Variants in PRR14L observed in about 807,000 individuals in gnomAD.
PRR14L encodes proline rich 14 like.
Under a neutral mutation model 155.0 loss-of-function variants are expected in PRR14L, and 80 were observed. The observed-to-expected ratio is 0.52, with a 90% CI of 0.43 to 0.62. The LOEUF is 0.62. Ranked by LOEUF, PRR14L falls within the 20% of genes least tolerant of loss-of-function variation. The probability of loss-of-function intolerance (pLI) is 0.00; values close to 1 mark genes in which losing one functional copy is unlikely to be tolerated. For synonymous variants in PRR14L, 883 were observed against 916.0 expected (o/e 0.96, Z 0.65); for missense variants, 2,469 against 2,548.0 (o/e 0.97, Z 0.67).
At position 31,716,752 on chromosome 22, in the gene PRR14L, C is replaced by T. The variant is rs760120317; in HGVS notation, c.1087G>A (p.Gly363Ser). Reference sequence around the variant, plus strand: ...TTTAGCAAACCACCACCTTCAAAACCACAGTTTTCTAAGGATATTGTTCTG... The same window carrying T: ...TTTAGCAAACCACCACCTTCAAAACTACAGTTTTCTAAGGATATTGTTCTG... ...ESRTISLENC[G>S]FEGGGLLKRS... The change falls in exon 4 of 9, where the codon GGT becomes AGT. Residue 363 changes from glycine (G) to serine (S), a missense_variant. Transcript: ENST00000327423. The T allele has an allele frequency of 6.4e-7, 1 of 1,551,674 alleles. No individual in the cohort carries two copies. The highest frequency in any genetic ancestry group is 2.4e-5 in the East Asian group (1 of 40,936).
At chr22:31,733,298 GTTTTTTTTT>G (rs1162819822) in intron 2 of PRR14L, among the ~76,000 whole-genome samples, 7 of 64,032 alleles carry the variant, frequency 1.1e-4, no homozygotes, top group Non-Finnish European at 1.6e-4. Context: ...CCTGGCCACT[GTTTTTTTTT>G]TTTTTTTTTT....
intron 8 of PRR14L, among the ~76,000 whole-genome samples, chr22:31,686,849 A>T (rs1422378157): frequency 3.3e-5 from 5 of 152,180 alleles, no homozygotes; most frequent in African/African-American, 4.8e-5. Flanking sequence ...AAATCCTACA[A>T]TTCTCCTTCT....
intron 4 of PRR14L, among the ~76,000 whole-genome samples, chr22:31,710,689 C>T (rs1055591063): frequency 2.6e-5 from 4 of 151,970 alleles, no homozygotes; most frequent in Non-Finnish European, 5.9e-5. Flanking sequence ...CTCCTGACCT[C>T]GTGATCCACC....
intron 3 of PRR14L, among the ~76,000 whole-genome samples, chr22:31,722,832 G>A (rs1463023239): frequency 1.3e-5 from 2 of 152,050 alleles, no homozygotes. Flanking sequence ...GCGCCCAGCC[G>A]GCATCATTCA....
At position 31,717,113 on chromosome 22, in the gene PRR14L, C is replaced by T. The variant is rs2147865641; in HGVS notation, c.726G>A (p.Glu242=). ...QEVDKIMTSD[E]VSETSTLVTP... ...TAACTAATGTGCTGGTTTCTGAAAC[C>T]TCATCACTGGTCATGATTTTGTCTA... Residue 242 remains glutamate (E), a synonymous_variant, in exon 4 of 9, where the codon GAG becomes GAA. Transcript: ENST00000327423. The T allele has an allele frequency of 1.3e-6, 2 of 1,552,242 alleles. No homozygotes were observed. The highest frequency in any genetic ancestry group is 1.7e-6 in the Non-Finnish European group (2 of 1,147,106).
In PRR14L at chr22:31,712,575, C is replaced by T; in HGVS notation, c.5264G>A (p.Cys1755Tyr). Residue 1755 changes from cysteine (C) to tyrosine (Y), a missense_variant, in exon 4 of 9, where the codon TGC becomes TAC. Physicochemically the swap from Cys to Tyr is radical, Grantham distance 194. This residue lies in a region of PRR14L where 2,363 missense variants were observed against 2,371.6 expected (regional missense o/e 1.00). Transcript: ENST00000327423. ...ARLALGEALQ[C>Y]PSQPPKWTFS... ...GGTCCACTTGGGAGGTTGAGACGGG[C>T]ACTGGAGGGCCTCTCCTAAGGCAAG... 1 of 1,551,684 alleles carries T rather than the reference C, an allele frequency of 6.4e-7. No homozygotes were observed.
chr22:31,744,435 CTTT>C (rs2074827700), intron 1 of PRR14L, among the ~76,000 whole-genome samples: 1 of 151,814 alleles, frequency 6.6e-6, no homozygotes, highest in Non-Finnish European at 1.5e-5. Context: ...GCCCGGCCTA[CTTT>C]TTTATTTTTG....
chr22:31,716,506 T>C lies in PRR14L; in HGVS notation c.1333A>G (p.Asn445Asp), dbSNP rs1363451344. Residue 445 changes from asparagine (N) to aspartate (D), a missense_variant, in exon 4 of 9, where the codon AAC (asparagine) becomes GAC (aspartate). By Grantham distance (23) the Asn-to-Asp change is conservative. Transcript: ENST00000327423. ...VVSPKENIHN[N>D]CIQDSLHTGN... ...GTATGGAGACTGTCTTGAATGCAGT[T>C]ATTGTGGATATTTTCCTTTGGAGAA... is the stretch of plus-strand genomic sequence containing the variant. 5.2e-6 allele frequency: 8 copies of C among 1,546,802 alleles called. No individual in the cohort carries two copies. In the African/African-American group the frequency reaches 9.6e-5, roughly 19 times the overall value.
intron 4 of PRR14L, among the ~76,000 whole-genome samples, chr22:31,707,190 GTAAAA>G (rs2074596719): frequency 6.6e-6 from 1 of 151,920 alleles, no homozygotes; most frequent in Non-Finnish European, 1.5e-5. Flanking sequence ...TTTAAATAAA[GTAAAA>G]TAAAATAAAA....
chr22:31,744,891 T>A (rs2074829814), intron 1 of PRR14L, among the ~76,000 whole-genome samples: 1 of 152,232 alleles, frequency 6.6e-6, no homozygotes, highest in South Asian at 2.1e-4. Flanking sequence ...TACTCTTGTT[T>A]GGACCAAATT....
intron 2 of PRR14L, among the ~76,000 whole-genome samples, chr22:31,730,672 G>A (rs958859997): frequency 3.3e-5 from 5 of 152,072 alleles, no homozygotes; most frequent in African/African-American, 9.7e-5. Flanking sequence ...GAAATACTTC[G>A]AGACTATGTA....
chr22:31,687,600 C>T (rs1446261873), intron 8 of PRR14L, among the ~76,000 whole-genome samples: 1 of 151,594 alleles, frequency 6.6e-6, no homozygotes, highest in Non-Finnish European at 1.5e-5. Flanking sequence ...GATCCACCCG[C>T]CTTGGCCCCC....
chr22:31,688,058 TACAACTGA>T, intron 8 of PRR14L, 90 bp downstream of exon 8: 1 of 1,183,344 alleles, frequency 8.5e-7, no homozygotes, highest in South Asian at 1.4e-5. Context: ...CCAATATTGG[TACAACTGA>T]ACATAAACTC....
At position 31,715,914 on chromosome 22, in the gene PRR14L, ACC is replaced by A; in HGVS notation, c.1923_1924del (p.Val642CysfsTer7). ...ACATTCACTTTCTACTTTGTTTACA[ACC>A]AGTTCATTGGTACAAGAAAGTTCAT... On this transcript the variant is annotated frameshift_variant, in exon 4 of 9. Transcript: ENST00000327423. LOFTEE classifies it high-confidence loss of function. The A allele has an allele frequency of 6.4e-7, 1 of 1,551,668 alleles. No homozygotes were observed. The highest frequency in any genetic ancestry group is 8.7e-7 in the Non-Finnish European group (1 of 1,146,912).
chr22:31,719,438 C>CA (rs1398659728), intron 3 of PRR14L, among the ~76,000 whole-genome samples: 1 of 150,668 alleles, frequency 6.6e-6, no homozygotes, highest in African/African-American at 2.4e-5. Flanking sequence ...AAAAAAAGAA[C>CA]AAAAAATCTA....
chr22:31,699,092 A>G (rs1333906007), intron 7 of PRR14L, among the ~76,000 whole-genome samples: 1 of 151,960 alleles, frequency 6.6e-6, no homozygotes, highest in African/African-American at 2.4e-5. Flanking sequence ...GCTGGAGTGC[A>G]GTGCCGCGAC....
At chr22:31,691,646 A>G (rs2074512318) in intron 7 of PRR14L, among the ~76,000 whole-genome samples, 1 of 152,232 alleles carries the variant, frequency 6.6e-6, no homozygotes, top group Non-Finnish European at 1.5e-5. Flanking sequence ...CTTTTCATAT[A>G]AAATGAATCA....
At position 31,685,451 on chromosome 22, in the gene PRR14L, A is replaced by C. The variant is rs1303646488; in HGVS notation, c.*76T>G. 6 of 21,394 alleles carry C rather than the reference A, an allele frequency of 2.8e-4. No individual in the cohort carries two copies. The highest frequency in any genetic ancestry group is 1.4e-3 in the Admixed American group (2 of 1,388). 1.3% of individuals were successfully genotyped at this position (21,394 alleles called of 1,614,324 possible). On this transcript the variant is annotated 3_prime_UTR_variant, in exon 9 of 9. Transcript: ENST00000327423. Reference sequence around the variant, plus strand: ...TAGGCAACCTTTTCCAAGGAGGTCCAAAAAAAAAAAAAAAACCCAAAAACA... The same window carrying C: ...TAGGCAACCTTTTCCAAGGAGGTCCCAAAAAAAAAAAAAAACCCAAAAACA...
chr22:31,719,161 G>A (rs2074677086), intron 3 of PRR14L, among the ~76,000 whole-genome samples: 1 of 152,166 alleles, frequency 6.6e-6, no homozygotes, highest in Admixed American at 6.5e-5. Flanking sequence ...CCAGCACTTT[G>A]GGAGGCTGAG....
Sources: allele counts gnomAD v4.1 joint callset (sites outside exome capture counted in the v4.1 genomes callset), GRCh38; gene constraint gnomAD v4.1.1; regional missense constraint gnomAD v4.1.1; transcripts MANE v1.5; gene names NCBI Gene and HGNC (gene_info 2026-07-23, HGNC 2026-07-21).